The following ACTA2 variants were observed in gnomAD, a reference collection of about 807,000 sequenced individuals.
ACTA2 encodes the protein actin alpha 2, smooth muscle.
Under a neutral mutation model 39.5 loss-of-function variants are expected in ACTA2, and 12 were observed. The observed-to-expected ratio is 0.30, with a 90% CI of 0.19 to 0.49. ACTA2 has a LOEUF of 0.49. ACTA2 is among the 20% of genes least tolerant of loss of function. ACTA2 has a pLI of 0.99. For missense variants in ACTA2, 236 were observed against 498.8 expected (o/e 0.47, Z 5.02); for synonymous variants, 158 against 180.6 (o/e 0.88, Z 1.00).
At chr10:88,950,698 C>T (rs1409931897) in intron 1 of ACTA2, among the ~76,000 whole-genome samples, 1 of 152,236 alleles carries the variant, frequency 6.6e-6, no homozygotes, top group East Asian at 1.9e-4. Flanking sequence ...TGAAGTCAGA[C>T]TGCCTGGATT....
chr10:88,952,399 A>G (rs895000859), intron 1 of ACTA2, among the ~76,000 whole-genome samples: 11 of 152,234 alleles, frequency 7.2e-5, no homozygotes, highest in Admixed American at 4.6e-4. Context: ...AAATAAATGT[A>G]TAACTTACTG....
At chr10:88,955,039 A>AG (rs1461668356), upstream of ACTA2, among the ~76,000 whole-genome samples, 6 of 151,408 alleles carry the variant, frequency 4.0e-5, no homozygotes, top group African/African-American at 1.5e-4. Context: ...AAAAAGAAGA[A>AG]GAAGGAAAGA....
intron 1 of ACTA2, chr10:88,973,218 G>C: frequency 6.2e-7 from 1 of 1,612,474 alleles, no homozygotes; most frequent in Non-Finnish European, 8.5e-7. Flanking sequence ...TTCTGGCACT[G>C]CTTTGGAGAT....
In ACTA2 at chr10:88,938,126, G is replaced by C. The variant is rs781351302; in HGVS notation, c.925C>G (p.Pro309Ala). The change falls in exon 8 of 9, where the codon CCT becomes GCT. Residue 309 changes from proline (P) to alanine (A), a missense_variant. Pro to Ala is a conservative substitution (Grantham distance 27, BLOSUM62 -1). Coordinates refer to ENST00000224784, the MANE Select transcript of ACTA2 (RefSeq NM_001613.4). Reference protein sequence around the residue: ...NVLSGGTTMYPGIADRMQKEI... With the variant: ...NVLSGGTTMYAGIADRMQKEI... Reference sequence around the variant, plus strand: ...TTCTGCATTCGGTCGGCAATGCCAGGGTACATAGTGGTGCCCCCTGATAGG... The same window carrying C: ...TTCTGCATTCGGTCGGCAATGCCAGCGTACATAGTGGTGCCCCCTGATAGG... The C allele has an allele frequency of 5.0e-6, 8 of 1,613,996 alleles. No homozygotes were observed. Among genetic ancestry groups the C allele is most frequent in the Non-Finnish European group, 5.1e-6 (6 of 1,179,944 alleles).
chr10:88,957,517 C>G (rs1263989799), upstream of ACTA2, among the ~76,000 whole-genome samples: 1 of 152,166 alleles, frequency 6.6e-6, no homozygotes, highest in Non-Finnish European at 1.5e-5. Flanking sequence ...CCTCTCCTGC[C>G]TTATCTACCC....
chr10:88,979,804 GA>G (rs529927809), intron 1 of ACTA2, among the ~76,000 whole-genome samples: 18 of 152,290 alleles, frequency 1.2e-4, no homozygotes, highest in African/African-American at 4.1e-4. Flanking sequence ...ATGCCAGGAG[GA>G]TCCAGAGAGC....
chr10:88,946,390 C>T (rs1845949513), intron 3 of ACTA2, among the ~76,000 whole-genome samples: 1 of 149,850 alleles, frequency 6.7e-6, no homozygotes, highest in African/African-American at 2.5e-5. Context: ...AGTCACTGTG[C>T]CCTGCAGGAT....
chr10:88,984,411 C>A (rs569109834), intron 1 of ACTA2, among the ~76,000 whole-genome samples: 1 of 152,264 alleles, frequency 6.6e-6, no homozygotes, highest in South Asian at 2.1e-4. Context: ...GAATGGATTA[C>A]ACCCCACAGT....
chr10:88,989,542 G>A lies in ACTA2; in HGVS notation c.-24+1397C>T, dbSNP rs777417894. The A allele has an allele frequency of 1.3e-5, 7 of 543,260 alleles. No individual in the cohort carries two copies. The Admixed American group carries it at 1.3e-4, about 10-fold the overall frequency. 33.7% of individuals were successfully genotyped at this position (543,260 alleles called of 1,614,324 possible). A position where few individuals can be genotyped will look rare whatever the true frequency, so the allele number is the denominator to read the frequency against. On this transcript the variant is annotated intron_variant, in intron 1 of 4. Coordinates refer to the ACTA2 transcript ENST00000415557. Reference sequence around the variant, plus strand: ...GGCACTAACAGTCTACTGAAAGGTGGAACAGAGACAAGCCTATCAACACCT... The same window carrying A: ...GGCACTAACAGTCTACTGAAAGGTGAAACAGAGACAAGCCTATCAACACCT...
rs1304075342 is a variant in ACTA2 at position 88,991,321 on chromosome 10, A to ACAAGC, written c.-411_-407dup. 82 of 351,208 alleles carry ACAAGC rather than the reference A, an allele frequency of 2.3e-4. 2 individuals are homozygous for ACAAGC. The highest frequency in any genetic ancestry group is 1.3e-3 in the South Asian group (48 of 35,994). 21.8% of individuals were successfully genotyped at this position (351,208 alleles called of 1,614,324 possible). A position where few individuals can be genotyped will look rare whatever the true frequency, so the allele number is the denominator to read the frequency against. On this transcript the variant is annotated 5_prime_UTR_variant, in exon 1 of 5. Coordinates refer to the ACTA2 transcript ENST00000415557. ...GAGCGGAACTCCTGGACAAGCCCTG[A>ACAAGC]CAAGCCAAGCCAAAGGTCCGCTCCG...
intron 1 of ACTA2, among the ~76,000 whole-genome samples, chr10:88,986,763 G>A (rs1846903429): frequency 6.6e-6 from 1 of 152,130 alleles, no homozygotes; most frequent in Admixed American, 6.5e-5. Context: ...AGAAGTATAG[G>A]AAGGAAGTAG....
intron 4 of ACTA2, 146 bp from the exon 5 acceptor site, chr10:88,942,015 G>C (rs1413059435): frequency 1.1e-5 from 8 of 727,508 alleles, no homozygotes; most frequent in East Asian, 2.7e-5. Flanking sequence ...GAACAGCCCT[G>C]GTCACGTTAA....
At chr10:88,987,635 T>G (rs891801084) in intron 1 of ACTA2, among the ~76,000 whole-genome samples, 1 of 152,212 alleles carries the variant, frequency 6.6e-6, no homozygotes, top group African/African-American at 2.4e-5. Context: ...CCAGTAAAGA[T>G]CCCAAAATCT....
At chr10:88,981,428 G>C (rs1477366341) in intron 1 of ACTA2, among the ~76,000 whole-genome samples, 1 of 151,328 alleles carries the variant, frequency 6.6e-6, no homozygotes, top group Non-Finnish European at 1.5e-5. Context: ...TTCCATCGTC[G>C]TGATTTATAC....
intron 6 of ACTA2, 65 bp downstream of exon 6, chr10:88,941,164 A>G: frequency 6.3e-7 from 1 of 1,599,214 alleles, no homozygotes; most frequent in Middle Eastern, 1.7e-4. Context: ...GATAGTGAGG[A>G]TGGTCCTGGA....
chr10:88,939,260 C>T (rs1047039787), intron 7 of ACTA2: 1 of 542,796 alleles, frequency 1.8e-6, no homozygotes, highest in East Asian at 3.3e-5. Context: ...TTATTTAATT[C>T]TTTCATCATA....
Position 88,961,023 on chromosome 10 carries a change from A to G in ACTA2, c.-23-12070T>C, listed in dbSNP as rs577865722. Among the ~76,000 whole-genome samples, 4 of 152,268 alleles carry G rather than the reference A, an allele frequency of 2.6e-5. No homozygotes were observed. The South Asian group carries it at 8.3e-4, about 32-fold the overall frequency. On this transcript the variant is annotated intron_variant, in intron 1 of 4. Coordinates refer to the ACTA2 transcript ENST00000415557. ...GTGTGTTGAGAATTGTGGGAGGTTT[A>G]GAAGCCTGGTCACACCCAGGAGCAG... is the stretch of plus-strand genomic sequence containing the variant.
At chr10:88,989,790 G>T (rs1191804482) in intron 1 of ACTA2, among the ~76,000 whole-genome samples, 5 of 152,232 alleles carry the variant, frequency 3.3e-5, no homozygotes, top group Non-Finnish European at 5.9e-5. Flanking sequence ...AGAGTGAGGT[G>T]CAGAGCTTGG....
chr10:88,941,095 G>T (rs1025286896), intron 6 of ACTA2, 134 bp downstream of exon 6: 4 of 1,087,892 alleles, frequency 3.7e-6, no homozygotes, highest in African/African-American at 1.6e-5. Context: ...GATGTGCTTT[G>T]CTCTGTGCAT....
Sources: gnomAD v4.1 joint callset for allele counts (sites outside exome capture counted in the v4.1 genomes callset) on GRCh38, gnomAD v4.1.1 for gene constraint, MANE v1.5 for transcripts, NCBI Gene and HGNC (gene_info 2026-07-23, HGNC 2026-07-21) for gene names.